The following LYPD6B variants were observed in gnomAD, a reference collection of about 807,000 sequenced individuals.
The protein encoded by LYPD6B is LY6/PLAUR domain containing 6B.
Under a neutral mutation model 22.8 loss-of-function variants are expected in LYPD6B, and 17 were observed. The observed-to-expected ratio is 0.75, with a 90% confidence interval of 0.51 to 1.12. The LOEUF (loss-of-function observed/expected upper bound fraction) is 1.12, where lower values mean the gene tolerates loss of function less well. LYPD6B is among the 50% of genes most tolerant of loss of function. LYPD6B has a pLI of 0.00. For synonymous variants in LYPD6B, 106 were observed against 91.6 expected, an observed-to-expected ratio of 1.16 and a Z score of -0.90; for missense variants, 221 against 258.3, an observed-to-expected ratio of 0.86 and a Z score of 0.99.
intron 3 of LYPD6B, chr2:149,188,697 C>G: frequency 2.0e-6 from 2 of 982,600 alleles, no homozygotes; most frequent in Non-Finnish European, 2.4e-6. Context: ...GGATATATTC[C>G]GTAACGTCTC....
chr2:149,087,017 T>A (rs1032519540), intron 1 of LYPD6B, among the ~76,000 whole-genome samples: 13 of 151,838 alleles, frequency 8.6e-5, no homozygotes, highest in African/African-American at 2.4e-4. Flanking sequence ...ATTTTTTTTT[T>A]TAAAAAAACC....
chr2:149,072,502 A>ATTTTAT (rs1284934303), intron 1 of LYPD6B, among the ~76,000 whole-genome samples: 1 of 143,264 alleles, frequency 7.0e-6, no homozygotes, highest in East Asian at 2.1e-4. Context: ...ATTTTATTTT[A>ATTTTAT]TTTTATTTTA....
intron 4 of LYPD6B, chr2:149,205,871 G>T (rs1363112376): frequency 1.1e-5 from 3 of 282,094 alleles, no homozygotes; most frequent in African/African-American, 6.8e-5. Flanking sequence ...ATTAGCAAAG[G>T]TTACATAAGA....
intron 2 of LYPD6B, among the ~76,000 whole-genome samples, chr2:149,133,687 T>C (rs758167694): frequency 6.6e-6 from 1 of 152,218 alleles, no homozygotes; most frequent in East Asian, 1.9e-4. Context: ...CTTTGACTTT[T>C]TGTAGAGTGC....
At chr2:149,087,172 C>T (rs1685442290) in intron 1 of LYPD6B, among the ~76,000 whole-genome samples, 1 of 152,136 alleles carries the variant, frequency 6.6e-6, no homozygotes, top group Non-Finnish European at 1.5e-5. Flanking sequence ...CATGAATACA[C>T]TTGTAACGTT....
intron 1 of LYPD6B, among the ~76,000 whole-genome samples, chr2:149,056,054 G>A (rs886433441): frequency 3.3e-5 from 5 of 152,072 alleles, no homozygotes; most frequent in African/African-American, 1.2e-4. Context: ...TTTCTCCTAG[G>A]GAATATTTCC....
chr2:149,186,442 C>G (rs1692108422), intron 3 of LYPD6B, among the ~76,000 whole-genome samples: 1 of 152,154 alleles, frequency 6.6e-6, no homozygotes, highest in African/African-American at 2.4e-5. Context: ...GACTTTGAAA[C>G]TAGCAGAGGT....
At chr2:149,088,051 C>G (rs566107929) in intron 1 of LYPD6B, among the ~76,000 whole-genome samples, 4 of 151,964 alleles carry the variant, frequency 2.6e-5, no homozygotes, top group Admixed American at 1.3e-4. Context: ...ACACAGGATT[C>G]GTATCTCCTT....
At chr2:149,103,030 TCTA>T (rs1686288113) in intron 1 of LYPD6B, among the ~76,000 whole-genome samples, 1 of 152,202 alleles carries the variant, frequency 6.6e-6, no homozygotes, top group Non-Finnish European at 1.5e-5. Context: ...TGAATATACT[TCTA>T]TGTACACATA....
intron 1 of LYPD6B, among the ~76,000 whole-genome samples, chr2:149,117,022 G>A (rs1280392131): frequency 6.6e-6 from 1 of 151,752 alleles, no homozygotes; most frequent in Non-Finnish European, 1.5e-5. Context: ...CAGTCTTTGG[G>A]CCCCTTCTTG....
At chr2:149,208,449 AT>A (rs1377838200) in intron 5 of LYPD6B, 37 bp downstream of exon 5, 2 of 1,463,432 alleles carry the variant, frequency 1.4e-6, no homozygotes, top group Admixed American at 1.7e-5. Context: ...CTGTGATCTC[AT>A]TTCATTTGAA....
intron 1 of LYPD6B, among the ~76,000 whole-genome samples, chr2:149,074,608 GA>G (rs1684796513): frequency 6.6e-6 from 1 of 152,118 alleles, no homozygotes; most frequent in Non-Finnish European, 1.5e-5. Flanking sequence ...TAATTGGGGT[GA>G]AAAAATGTTA....
At chr2:149,189,849 C>G (rs567291189) in intron 3 of LYPD6B, among the ~76,000 whole-genome samples, 5 of 152,224 alleles carry the variant, frequency 3.3e-5, no homozygotes, top group African/African-American at 1.2e-4. Flanking sequence ...CCAAATGATG[C>G]ATTTCAAAGC....
At chr2:149,196,431 A>C (rs540871090) in intron 3 of LYPD6B, among the ~76,000 whole-genome samples, 1 of 152,340 alleles carries the variant, frequency 6.6e-6, no homozygotes, top group Admixed American at 6.5e-5. Flanking sequence ...TACTTGGGTA[A>C]TATATTTCTA....
chr2:149,146,199 A>G (rs1689010368), intron 2 of LYPD6B, among the ~76,000 whole-genome samples: 1 of 152,236 alleles, frequency 6.6e-6, no homozygotes, highest in Non-Finnish European at 1.5e-5. Context: ...CAAAATTGCA[A>G]TGACGTGGCG....
At chr2:149,192,441 TC>T (rs1692557715) in intron 3 of LYPD6B, among the ~76,000 whole-genome samples, 1 of 151,140 alleles carries the variant, frequency 6.6e-6, no homozygotes. Context: ...TTTTTTTAAT[TC>T]TCATATCTCC....
chr2:149,131,687 C>T (rs996008687), intron 2 of LYPD6B: 6 of 152,116 alleles, frequency 3.9e-5, no homozygotes, highest in African/African-American at 7.2e-5. Flanking sequence ...TTCTCTCCTC[C>T]CTAAGTTTAA....
intron 1 of LYPD6B, among the ~76,000 whole-genome samples, chr2:149,084,440 C>T (rs1685295334): frequency 6.6e-6 from 1 of 152,034 alleles, no homozygotes; most frequent in Non-Finnish European, 1.5e-5. Flanking sequence ...CTCTACTTGT[C>T]CTTCAAATTG....
chr2:149,057,466 G>A (rs541719351), intron 1 of LYPD6B, among the ~76,000 whole-genome samples: 30 of 151,608 alleles, frequency 2.0e-4, no homozygotes, highest in Middle Eastern at 3.4e-3. Flanking sequence ...AAATGCTTTC[G>A]GGTTCACATT....
Sources: allele counts gnomAD v4.1 joint callset (sites outside exome capture counted in the v4.1 genomes callset), GRCh38; gene constraint gnomAD v4.1.1; transcripts MANE v1.5; gene names NCBI Gene and HGNC (gene_info 2026-07-23, HGNC 2026-07-21).